Variants in MAP3K7 observed in about 807,000 individuals in gnomAD.
The protein encoded by MAP3K7 is TGF-beta activated kinase 1.
Under a neutral mutation model 84.8 loss-of-function variants are expected in MAP3K7, and 21 were observed. The ratio of observed to expected loss-of-function variants is 0.25; its 90% CI spans 0.18 to 0.36. The LOEUF (loss-of-function observed/expected upper bound fraction) is 0.36, where lower values mean the gene tolerates loss of function less well. Among genes scored for constraint, MAP3K7 ranks in the 10% least tolerant of loss-of-function variants. The pLI is 1.00. For synonymous variants in MAP3K7, 241 were observed against 247.7 expected, an observed-to-expected ratio of 0.97 and a Z score of 0.25; for missense variants, 503 against 747.7, an observed-to-expected ratio of 0.67 and a Z score of 3.82.
At chr6:90,555,734 G>A (rs534101465) in intron 6 of MAP3K7, among the ~76,000 whole-genome samples, 103 of 152,218 alleles carry the variant, frequency 6.8e-4, no homozygotes, top group Admixed American at 1.9e-3. Flanking sequence ...AAATACAGGG[G>A]TAGGTTCCTG....
At chr6:90,529,466 T>C (rs545739690) in intron 13 of MAP3K7, among the ~76,000 whole-genome samples, 32 of 152,298 alleles carry the variant, frequency 2.1e-4, no homozygotes, top group Admixed American at 1.0e-3. Flanking sequence ...AGACTTAGGT[T>C]TCTCATTGAT....
rs183063454 is a variant in MAP3K7 at position 90,550,569 on chromosome 6, C to T, written c.868-20G>A. ...AAAGTACTATATATAAAAAAGTAAA[C>T]CACAGCTTAAAATTTCCTTAATACA... On this transcript the variant is annotated intron_variant, in intron 8 of 16. Coordinates refer to ENST00000369329, the MANE Select transcript of MAP3K7 (RefSeq NM_145331.3). The T allele has an allele frequency of 3.4e-6, 5 of 1,474,232 alleles. No homozygotes were observed. Among genetic ancestry groups the T allele is most frequent in the Admixed American group, 1.8e-5 (1 of 56,212 alleles). 91.3% of individuals were successfully genotyped at this position (1,474,232 alleles called of 1,614,324 possible).
chr6:90,586,758 G>A lies in MAP3K7; in HGVS notation c.120+6C>T, dbSNP rs757221200. On this transcript the variant is annotated splice_donor_region_variant and intron_variant, in intron 1 of 16. Transcript: ENST00000369329. ...GACCGGCGTCTCCATGCCGGGCCTC[G>A]CTCACCTCTTCCACCTCGATCTCCT... 3 of 1,584,324 alleles carry A rather than the reference G, an allele frequency of 1.9e-6. No homozygotes were observed. Among genetic ancestry groups the A allele is most frequent in the Non-Finnish European group, 2.6e-6 (3 of 1,165,456 alleles).
chr6:90,548,907 T>G (rs1268236122), intron 9 of MAP3K7, among the ~76,000 whole-genome samples: 1 of 151,742 alleles, frequency 6.6e-6, no homozygotes, highest in Admixed American at 6.6e-5. Context: ...ATTCCTTAAA[T>G]GTAGTGATGT....
chr6:90,571,174 A>C (rs771549206), intron 2 of MAP3K7, among the ~76,000 whole-genome samples: 1 of 152,166 alleles, frequency 6.6e-6, no homozygotes, highest in Non-Finnish European at 1.5e-5. Flanking sequence ...AAAGTTAGTA[A>C]AGGATAAATT....
intron 3 of MAP3K7, among the ~76,000 whole-genome samples, chr6:90,564,650 A>G (rs943964285): frequency 6.6e-6 from 1 of 152,234 alleles, no homozygotes; most frequent in Non-Finnish European, 1.5e-5. Flanking sequence ...TGTCAATGTT[A>G]GACAAATTAA....
rs761570863 is a variant in MAP3K7 at position 90,560,027 on chromosome 6, G to A, written c.482+49C>T. 5 of 1,610,078 alleles carry A rather than the reference G, an allele frequency of 3.1e-6. No homozygotes were observed. In the Admixed American group the frequency reaches 5.0e-5, roughly 16 times the overall value. On this transcript the variant is annotated intron_variant, in intron 5 of 16. Transcript: ENST00000369329. Reference sequence around the variant, plus strand: ...AGAGTGGGTTCGGGGTGGTGAGAGTGAGAGAGAAGGAGGAAGAGGCTGAGG... The same window carrying A: ...AGAGTGGGTTCGGGGTGGTGAGAGTAAGAGAGAAGGAGGAAGAGGCTGAGG...
intron 12 of MAP3K7, among the ~76,000 whole-genome samples, chr6:90,537,697 A>G (rs917367620): frequency 6.6e-6 from 1 of 151,968 alleles, no homozygotes; most frequent in African/African-American, 2.4e-5. Flanking sequence ...ACAAACTAAA[A>G]CAACAAAACT....
chr6:90,573,333 C>A (rs1005451374), intron 1 of MAP3K7, among the ~76,000 whole-genome samples: 6 of 152,240 alleles, frequency 3.9e-5, no homozygotes, highest in Non-Finnish European at 7.4e-5. Context: ...CAAAACTCTT[C>A]TATAACAAAG....
intron 3 of MAP3K7, among the ~76,000 whole-genome samples, chr6:90,563,300 C>A (rs1776588623): frequency 2.0e-5 from 3 of 152,144 alleles, no homozygotes; most frequent in Admixed American, 6.5e-5. Context: ...TGTTTGAACC[C>A]ATCACAAACA....
chr6:90,544,324 A>C (rs1400629886), intron 12 of MAP3K7, among the ~76,000 whole-genome samples: 1 of 152,082 alleles, frequency 6.6e-6, no homozygotes, highest in Non-Finnish European at 1.5e-5. Flanking sequence ...CCTTCTCCAA[A>C]AAGGTTTACT....
At position 90,525,274 on chromosome 6, in the gene MAP3K7, G is replaced by A. The variant is rs570157401; in HGVS notation, c.1357-1491C>T. Among the ~76,000 whole-genome samples the A allele has an allele frequency of 2.2e-3, 341 of 151,982 alleles. 1 individual carries two copies. Among genetic ancestry groups the A allele is most frequent in the Non-Finnish European group, 3.8e-3 (256 of 67,928 alleles). On this transcript the variant is annotated intron_variant, in intron 13 of 16. Transcript: ENST00000369329. ...TAATATCAGAGAGAATGTATTTTAG[G>A]GTCCAAAAAATTACTAGAGAAAGAG... is the stretch of plus-strand genomic sequence containing the variant.
At chr6:90,545,664 A>C (rs1745863043) in intron 11 of MAP3K7, among the ~76,000 whole-genome samples, 1 of 152,112 alleles carries the variant, frequency 6.6e-6, no homozygotes. Flanking sequence ...ACTTCTACTC[A>C]ACTTGATAGT....
intron 6 of MAP3K7, among the ~76,000 whole-genome samples, chr6:90,555,416 C>T (rs540462070): frequency 3.3e-5 from 5 of 152,144 alleles, no homozygotes; most frequent in South Asian, 2.1e-4. Context: ...CCACCACGCC[C>T]GGCGAATTTT....
At chr6:90,561,787 C>T (rs1776524035) in intron 3 of MAP3K7, 120 bp from the exon 4 acceptor site, 7 of 747,904 alleles carry the variant, frequency 9.4e-6, no homozygotes, top group Non-Finnish European at 1.4e-5. Flanking sequence ...TCTTTTGGCC[C>T]CTACTATGTG....
intron 3 of MAP3K7, among the ~76,000 whole-genome samples, chr6:90,565,993 G>T (rs1014501094): frequency 6.6e-6 from 1 of 151,960 alleles, no homozygotes; most frequent in African/African-American, 2.4e-5. Flanking sequence ...TGCAGAAAAG[G>T]GCTTTGACAA....
intron 1 of MAP3K7, among the ~76,000 whole-genome samples, chr6:90,581,263 T>C (rs1299981753): frequency 1.3e-5 from 2 of 152,338 alleles, no homozygotes; most frequent in African/African-American, 4.8e-5. Context: ...CTTTTAATTG[T>C]TCTGAATTCA....
chr6:90,566,978 A>G (rs1031162240), intron 3 of MAP3K7, among the ~76,000 whole-genome samples: 2 of 152,214 alleles, frequency 1.3e-5, no homozygotes, highest in African/African-American at 4.8e-5. Context: ...TTCCCCATTT[A>G]ATAAATGGTG....
At chr6:90,568,903 T>C (rs1027643754) in intron 2 of MAP3K7, among the ~76,000 whole-genome samples, 3 of 152,166 alleles carry the variant, frequency 2.0e-5, no homozygotes, top group Admixed American at 6.5e-5. Flanking sequence ...ACAGGAGTTA[T>C]GAACAAGGCA....
Sources: gnomAD v4.1 joint callset for allele counts (sites outside exome capture counted in the v4.1 genomes callset) on GRCh38, gnomAD v4.1.1 for gene constraint, MANE v1.5 for transcripts, NCBI Gene and HGNC (gene_info 2026-07-23, HGNC 2026-07-21) for gene names.